The following PHF24 variants were observed in gnomAD, a reference collection of about 807,000 sequenced individuals.
The protein encoded by PHF24 is PHD finger protein 24, also known as Galpha inhibitory interacting protein.
Under a neutral mutation model 42.6 loss-of-function variants are expected in PHF24, and 25 were observed. That is an observed-to-expected ratio of 0.59 (90% CI 0.43 to 0.82). The LOEUF is 0.82. Ranked by LOEUF, PHF24 falls within the 40% of genes least tolerant of loss-of-function variation. PHF24 has a pLI of 0.00. For missense variants in PHF24, 470 were observed against 538.1 expected, an observed-to-expected ratio of 0.87 and a Z score of 1.25; for synonymous variants, 185 against 204.8, an observed-to-expected ratio of 0.90 and a Z score of 0.83.
At chr9:34,851,592 C>T in the PHF24 span, among the ~76,000 whole-genome samples, 3 of 152,226 alleles carry the variant, frequency 2.0e-5, no homozygotes, top group African/African-American at 7.2e-5. Flanking sequence ...GGCTCGCACA[C>T]AGTGCGCTGC....
the PHF24 span, chr9:34,725,723 C>T: frequency 1.6e-4 from 240 of 1,546,376 alleles, 1 homozygote; most frequent in Non-Finnish European, 2.0e-4. Flanking sequence ...GATCTGAGCT[C>T]GTTGATGGTC....
the PHF24 span, among the ~76,000 whole-genome samples, chr9:34,907,854 T>A: frequency 6.6e-6 from 1 of 152,140 alleles, no homozygotes; most frequent in African/African-American, 2.4e-5. Context: ...TTTGTTTTGT[T>A]TCCCCCAAGA....
At chr9:34,852,447 T>G in the PHF24 span, among the ~76,000 whole-genome samples, 1 of 152,228 alleles carries the variant, frequency 6.6e-6, no homozygotes, top group African/African-American at 2.4e-5. Context: ...TTAGCAATTC[T>G]TATAAGATGG....
chr9:34,959,906 T>G (rs1250552247), intron 1 of PHF24, among the ~76,000 whole-genome samples: 2 of 152,226 alleles, frequency 1.3e-5, no homozygotes, highest in African/African-American at 4.8e-5. Flanking sequence ...CTTGTGACCC[T>G]CTGACTACAT....
chr9:34,816,576 C>G, the PHF24 span, among the ~76,000 whole-genome samples: 2 of 152,096 alleles, frequency 1.3e-5, no homozygotes, highest in Non-Finnish European at 2.9e-5. Context: ...ATAGATAGTG[C>G]CTTCTCGCTG....
the PHF24 span, among the ~76,000 whole-genome samples, chr9:34,733,364 A>G: frequency 6.6e-6 from 1 of 152,190 alleles, no homozygotes; most frequent in South Asian, 2.1e-4. Context: ...GTTTTTTAAT[A>G]TTAAGAAATT....
At chr9:34,893,404 C>A in the PHF24 span, among the ~76,000 whole-genome samples, 1 of 152,152 alleles carries the variant, frequency 6.6e-6, no homozygotes, top group Admixed American at 6.5e-5. Flanking sequence ...AGTTCGAGAT[C>A]AGCCTGGCCA....
the PHF24 span, chr9:34,710,064 C>T: frequency 6.2e-6 from 10 of 1,613,394 alleles, no homozygotes; most frequent in Non-Finnish European, 8.5e-6. Context: ...GTGACTGAGC[C>T]ATGTCTGTGG....
At chr9:34,855,303 T>A in the PHF24 span, among the ~76,000 whole-genome samples, 56,475 of 152,016 alleles carry the variant, frequency 0.37, 10,861 homozygotes, top group East Asian at 0.66. Context: ...TGTGTGAATT[T>A]GATCCTGTCA....
At chr9:34,895,272 C>A in the PHF24 span, among the ~76,000 whole-genome samples, 1 of 152,088 alleles carries the variant, frequency 6.6e-6, no homozygotes, top group South Asian at 2.1e-4. Flanking sequence ...GACTCACTTT[C>A]ACGCTCTTCC....
the PHF24 span, among the ~76,000 whole-genome samples, chr9:34,758,551 C>T: frequency 6.6e-6 from 1 of 152,120 alleles, no homozygotes; most frequent in South Asian, 2.1e-4. This position sits in a 1 kb window ranked among gnomAD's most constrained non-coding sequence, Gnocchi z 4.4. Flanking sequence ...TTGCGGCATT[C>T]AGCAACCCTT....
chr9:34,918,121 T>G, the PHF24 span: 1 of 1,546,268 alleles, frequency 6.5e-7, no homozygotes, highest in South Asian at 1.1e-5. Flanking sequence ...TCTGCTGGTG[T>G]AGCCAATCGT....
chr9:34,672,766 A>G, the PHF24 span, among the ~76,000 whole-genome samples: 115 of 152,228 alleles, frequency 7.6e-4, no homozygotes, highest in East Asian at 0.021. Context: ...ACCTTTCAAT[A>G]TTGCTACATT....
At chr9:34,846,389 A>G in the PHF24 span, among the ~76,000 whole-genome samples, 1 of 151,610 alleles carries the variant, frequency 6.6e-6, no homozygotes, top group Non-Finnish European at 1.5e-5. Flanking sequence ...TGGCTGCATA[A>G]ATGTCTTCTT....
the PHF24 span, chr9:34,689,588 C>T: frequency 2.4e-5 from 13 of 548,530 alleles, no homozygotes; most frequent in East Asian, 8.7e-5. The surrounding 1 kb of genome is among the most constrained non-coding windows in gnomAD (Gnocchi z 4.1). Flanking sequence ...AAACACCAGG[C>T]GGCTTTATTG....
At chr9:34,801,048 A>G in the PHF24 span, among the ~76,000 whole-genome samples, 1 of 152,254 alleles carries the variant, frequency 6.6e-6, no homozygotes, top group Non-Finnish European at 1.5e-5. Context: ...GCAGCCAACA[A>G]ACATGTGAAA....
At chr9:34,906,721 C>A in the PHF24 span, among the ~76,000 whole-genome samples, 4,741 of 151,326 alleles carry the variant, frequency 0.031, 209 homozygotes, top group African/African-American at 0.098. Flanking sequence ...TCCCCCCACT[C>A]AAAGTGCAGG....
At chr9:34,834,085 CCAGGGCATA>C in the PHF24 span, 1 of 1,521,656 alleles carries the variant, frequency 6.6e-7, no homozygotes, top group Non-Finnish European at 8.9e-7. Context: ...CCGTTGGCAT[CCAGGGCATA>C]ACTTTGTGAT....
the PHF24 span, among the ~76,000 whole-genome samples, chr9:34,946,633 G>T: frequency 6.6e-6 from 1 of 152,154 alleles, no homozygotes. Context: ...TTAGATAAAT[G>T]CTGACATAAT....
Sources: gnomAD v4.1 joint callset for allele counts (sites outside exome capture counted in the v4.1 genomes callset) on GRCh38, gnomAD v4.1.1 for gene constraint, Gnocchi (gnomAD v3.1) non-coding constraint, MANE v1.5 for transcripts, NCBI Gene and HGNC (gene_info 2026-07-23, HGNC 2026-07-21) for gene names.